The following MCTP1 variants were observed in gnomAD, a reference collection of about 807,000 sequenced individuals.
MCTP1 encodes multiple C2 and transmembrane domain-containing protein 1.
Under a neutral mutation model 120.6 loss-of-function variants are expected in MCTP1, and 69 were observed. That is an observed-to-expected ratio of 0.57 (90% CI 0.47 to 0.70). The LOEUF is 0.70. Ranked by LOEUF, MCTP1 falls within the 30% of genes least tolerant of loss-of-function variation. The pLI is 0.00. For missense variants in MCTP1, 1,203 were observed against 1,248.8 expected, an observed-to-expected ratio of 0.96 and a Z score of 0.55; for synonymous variants, 529 against 493.1, an observed-to-expected ratio of 1.07 and a Z score of -0.96.
At chr5:94,743,631 A>ATTT (rs34620641) in intron 19 of MCTP1, among the ~76,000 whole-genome samples, 35 of 86,656 alleles carry the variant, frequency 4.0e-4, no homozygotes, top group Non-Finnish European at 6.3e-4. Flanking sequence ...CAAAATCCAC[A>ATTT]TTTTTTTTTT....
intron 17 of MCTP1, among the ~76,000 whole-genome samples, chr5:94,830,284 C>T (rs1329309403): frequency 6.6e-6 from 1 of 152,216 alleles, no homozygotes; most frequent in Admixed American, 6.5e-5. Flanking sequence ...CAACTATTTA[C>T]ATGGGCTTCT....
At chr5:95,138,240 C>G (rs557313899) in intron 1 of MCTP1, among the ~76,000 whole-genome samples, 7 of 150,784 alleles carry the variant, frequency 4.6e-5, no homozygotes, top group Non-Finnish European at 7.4e-5. Context: ...GCAACCCCCC[C>G]CCGACATTAA....
rs537567967 is a variant in MCTP1, at chr5:94,754,638, T to A, written c.2610+24472A>T. 2.6e-5 allele frequency among the ~76,000 whole-genome samples: 4 copies of A among 152,342 alleles called. No homozygotes were observed. The East Asian group carries it at 7.7e-4, about 29-fold the overall frequency. ...CAGCTTTCTTTACTAAACAGTCCGA[T>A]CAGTCTTTTCAGAAGTGCCAAAGTA... On this transcript the variant is annotated intron_variant, in intron 19 of 22. Transcript: ENST00000515393.
chr5:94,828,934 T>G (rs947819202), intron 17 of MCTP1, among the ~76,000 whole-genome samples: 4 of 152,170 alleles, frequency 2.6e-5, no homozygotes, highest in Non-Finnish European at 5.9e-5. Context: ...TCAGCCCCCT[T>G]TCCAGGGGAG....
intron 1 of MCTP1, among the ~76,000 whole-genome samples, chr5:95,108,281 AGAGT>A (rs1757233635): frequency 6.6e-6 from 1 of 152,176 alleles, no homozygotes; most frequent in African/African-American, 2.4e-5. Flanking sequence ...GTGCGTTACA[AGAGT>A]GGCTAGCCCA....
intron 1 of MCTP1, among the ~76,000 whole-genome samples, chr5:95,146,127 G>A (rs1009166648): frequency 5.9e-5 from 9 of 151,954 alleles, no homozygotes; most frequent in African/African-American, 2.2e-4. Flanking sequence ...GAGATTATTT[G>A]TTTCCAAGAA....
intron 5 of MCTP1, among the ~76,000 whole-genome samples, chr5:94,936,972 G>A (rs1413702696): frequency 1.3e-5 from 2 of 152,004 alleles, no homozygotes; most frequent in African/African-American, 4.8e-5. Context: ...TTGTACCCAC[G>A]AGGATGAGCC....
intron 17 of MCTP1, among the ~76,000 whole-genome samples, chr5:94,852,666 C>T (rs945258716): frequency 6.6e-6 from 1 of 152,046 alleles, no homozygotes; most frequent in East Asian, 1.9e-4. Flanking sequence ...TGTAACAAAA[C>T]TATTTTTCTT....
chr5:94,918,496 C>T (rs142747664), intron 7 of MCTP1, among the ~76,000 whole-genome samples: 16 of 152,314 alleles, frequency 1.1e-4, no homozygotes, highest in Middle Eastern at 3.4e-3. Flanking sequence ...TCCCACATGA[C>T]ACCTCCCTTT....
chr5:95,028,496 C>G (rs1032222110), intron 1 of MCTP1, among the ~76,000 whole-genome samples: 1 of 152,070 alleles, frequency 6.6e-6, no homozygotes, highest in Admixed American at 6.5e-5. Flanking sequence ...TTCAGTGCTC[C>G]CAGAATGTCT....
chr5:94,946,834 G>A (rs868336298), intron 3 of MCTP1, among the ~76,000 whole-genome samples: 1 of 152,166 alleles, frequency 6.6e-6, no homozygotes, highest in Non-Finnish European at 1.5e-5. Context: ...TTAAATCCAT[G>A]TTCGGCATCC....
intron 1 of MCTP1, among the ~76,000 whole-genome samples, chr5:95,270,071 T>C (rs1355532027): frequency 6.6e-6 from 1 of 152,200 alleles, no homozygotes; most frequent in Non-Finnish European, 1.5e-5. Flanking sequence ...ACGTATAACA[T>C]ATGTCTAATA....
chr5:94,772,363 C>G (rs1447500614), intron 19 of MCTP1, among the ~76,000 whole-genome samples: 1 of 152,172 alleles, frequency 6.6e-6, no homozygotes, highest in Non-Finnish European at 1.5e-5. Flanking sequence ...AGAAGCTCTT[C>G]CTTCTTGCCA....
chr5:94,952,171 C>CAAAAAAAAAAAAACAA (rs1820772451), intron 3 of MCTP1, among the ~76,000 whole-genome samples: 1 of 87,890 alleles, frequency 1.1e-5, no homozygotes, highest in Non-Finnish European at 2.2e-5. Flanking sequence ...GACTTTGTCG[C>CAAAAAAAAAAAAACAA]AAAAAAAAAA....
At chr5:94,888,089 CCTATT>C (rs1467679862) in intron 12 of MCTP1, among the ~76,000 whole-genome samples, 1 of 152,048 alleles carries the variant, frequency 6.6e-6, no homozygotes, top group Non-Finnish European at 1.5e-5. Context: ...TCAAGCCAGT[CCTATT>C]TATTGTCTAA....
rs147139438 is a variant in MCTP1, at chr5:94,783,216, A to G, written c.2557-4053T>C. Reference sequence around the variant, plus strand: ...AAATGCAGCATGCCAGCTACATTGCAGCCAGAGAGTAAGTAGACAACATTA... The same window carrying G: ...AAATGCAGCATGCCAGCTACATTGCGGCCAGAGAGTAAGTAGACAACATTA... On this transcript the variant is annotated intron_variant, in intron 18 of 22. Transcript: ENST00000515393. 2.2e-4 allele frequency among the ~76,000 whole-genome samples: 33 copies of G among 152,294 alleles called. 1 individual carries two copies. The East Asian group carries it at 6.4e-3, about 29-fold the overall frequency.
intron 7 of MCTP1, among the ~76,000 whole-genome samples, chr5:94,920,043 T>C (rs1241585595): frequency 1.3e-5 from 2 of 152,260 alleles, no homozygotes; most frequent in African/African-American, 2.4e-5. Context: ...ATACAATTTA[T>C]GGTGCCAGGA....
intron 19 of MCTP1, among the ~76,000 whole-genome samples, chr5:94,743,631 A>AT (rs34620641): frequency 0.018 from 1,582 of 86,614 alleles, 35 homozygotes; most frequent in Non-Finnish European, 0.023. Flanking sequence ...CAAAATCCAC[A>AT]TTTTTTTTTT....
rs557790562 is a variant in MCTP1 at position 95,151,869 on chromosome 5, C to T, written c.720+131987G>A. On this transcript the variant is annotated intron_variant, in intron 1 of 22. Coordinates refer to ENST00000515393, the MANE Select transcript of MCTP1 (RefSeq NM_024717.7). ...AAGAAGCCGGCACTCCCAAAACAGT[C>T]CCCGACCACACTCCCTTCCACACAT... is the stretch of plus-strand genomic sequence containing the variant. Among the ~76,000 whole-genome samples the T allele has an allele frequency of 2.1e-4, 32 of 152,222 alleles. No individual in the cohort carries two copies. The East Asian group carries it at 5.8e-3, about 28-fold the overall frequency.
Sources: gnomAD v4.1 joint callset for allele counts (sites outside exome capture counted in the v4.1 genomes callset) on GRCh38, gnomAD v4.1.1 for gene constraint, MANE v1.5 for transcripts, NCBI Gene and HGNC (gene_info 2026-07-23, HGNC 2026-07-21) for gene names.